TRPM3: variants seen among roughly 807,000 people sequenced by gnomAD.
The protein encoded by TRPM3 is transient receptor potential cation channel subfamily M member 3.
TRPM3 carries 77 observed loss-of-function variants against 181.2 expected under a neutral mutation model. That is an observed-to-expected ratio of 0.42 (90% CI 0.35 to 0.51). TRPM3 has a LOEUF of 0.51. Among genes scored for constraint, TRPM3 ranks in the 20% least tolerant of loss-of-function variants. The probability of loss-of-function intolerance (pLI) is 0.01; values close to 1 mark genes in which losing one functional copy is unlikely to be tolerated. For synonymous variants in TRPM3, 745 were observed against 796.4 expected (o/e 0.94, Z 1.09); for missense variants, 1,759 against 2,196.7 (o/e 0.80, Z 3.98).
intron 1 of TRPM3, among the ~76,000 whole-genome samples, chr9:71,395,054 C>T (rs2093157831): frequency 6.6e-6 from 1 of 152,168 alleles, no homozygotes; most frequent in Non-Finnish European, 1.5e-5. Flanking sequence ...CTAAACATCC[C>T]ACAATGACCA....
intron 1 of TRPM3, among the ~76,000 whole-genome samples, chr9:71,274,970 G>A (rs1488502389): frequency 6.6e-6 from 1 of 152,112 alleles, no homozygotes; most frequent in African/African-American, 2.4e-5. Flanking sequence ...AGTCTGAGAA[G>A]AAGGTTTTGA....
intron 3 of TRPM3, among the ~76,000 whole-genome samples, chr9:70,857,063 A>G (rs1044336879): frequency 4.6e-5 from 7 of 152,160 alleles, no homozygotes; most frequent in Non-Finnish European, 1.0e-4. Flanking sequence ...AGGGTCCTAG[A>G]AAGTTACCTG....
chr9:71,280,963 T>C (rs1054438197), intron 1 of TRPM3, among the ~76,000 whole-genome samples: 2 of 152,220 alleles, frequency 1.3e-5, no homozygotes, highest in Non-Finnish European at 2.9e-5. Context: ...TGTTCAGATG[T>C]TTTTTGTTGT....
At chr9:70,794,695 G>A (rs946458661) in intron 6 of TRPM3, among the ~76,000 whole-genome samples, 3 of 152,088 alleles carry the variant, frequency 2.0e-5, no homozygotes, top group Non-Finnish European at 2.9e-5. Context: ...GCTGGCTCCC[G>A]TCGACTCCCA....
intron 1 of TRPM3, among the ~76,000 whole-genome samples, chr9:71,217,291 A>C (rs1277955287): frequency 4.6e-5 from 7 of 152,136 alleles, no homozygotes; most frequent in Non-Finnish European, 1.0e-4. Flanking sequence ...TATAAACTCT[A>C]GACAGTGTAA....
chr9:71,074,181 CTTAT>C (rs1028110920), intron 1 of TRPM3, among the ~76,000 whole-genome samples: 13 of 152,118 alleles, frequency 8.5e-5, no homozygotes, highest in African/African-American at 2.4e-4. Flanking sequence ...ATGGTTATCT[CTTAT>C]TTAAATTATT....
At chr9:71,079,261 T>C (rs1378644364) in intron 1 of TRPM3, among the ~76,000 whole-genome samples, 1 of 152,218 alleles carries the variant, frequency 6.6e-6, no homozygotes, top group African/African-American at 2.4e-5. Context: ...GTGCTCTCTA[T>C]GGGAACAAAG....
intron 1 of TRPM3, among the ~76,000 whole-genome samples, chr9:71,212,900 T>C (rs375298089): frequency 6.6e-6 from 1 of 152,100 alleles, no homozygotes; most frequent in Non-Finnish European, 1.5e-5. Flanking sequence ...GAAAGACTGA[T>C]GACACAAAGT....
At chr9:71,218,255 A>G (rs536283799) in intron 1 of TRPM3, among the ~76,000 whole-genome samples, 2 of 152,332 alleles carry the variant, frequency 1.3e-5, no homozygotes, top group Admixed American at 1.3e-4. Flanking sequence ...TATCTCAGAT[A>G]TACAGACTCA....
At chr9:71,385,380 A>G (rs748525668) in intron 1 of TRPM3, among the ~76,000 whole-genome samples, 1 of 152,248 alleles carries the variant, frequency 6.6e-6, no homozygotes, top group Non-Finnish European at 1.5e-5. Context: ...AGCAACTCAC[A>G]AGGTAAATTT....
intron 22 of TRPM3, among the ~76,000 whole-genome samples, chr9:70,558,922 AT>A (rs1156848330): frequency 1.3e-5 from 2 of 152,240 alleles, no homozygotes; most frequent in Admixed American, 1.3e-4. Context: ...TTAACTATGC[AT>A]TAATAAGTAG....
intron 1 of TRPM3, among the ~76,000 whole-genome samples, chr9:70,880,524 G>T (rs1371230267): frequency 1.3e-5 from 2 of 151,964 alleles, no homozygotes; most frequent in Non-Finnish European, 2.9e-5. Flanking sequence ...AAATAAAATT[G>T]TGCCCACAGG....
intron 7 of TRPM3, among the ~76,000 whole-genome samples, chr9:70,765,132 GATT>G (rs1056757070): frequency 6.6e-6 from 1 of 152,158 alleles, no homozygotes; most frequent in Non-Finnish European, 1.5e-5. Context: ...CATACTGCTT[GATT>G]ACCTCACTGT....
At chr9:71,286,157 T>A (rs1234939333) in intron 1 of TRPM3, among the ~76,000 whole-genome samples, 1 of 152,236 alleles carries the variant, frequency 6.6e-6, no homozygotes, top group Non-Finnish European at 1.5e-5. Context: ...TAGCGAGGTA[T>A]GGGAATCACC....
chr9:71,338,674 G>T (rs762786262), intron 1 of TRPM3, among the ~76,000 whole-genome samples: 2 of 151,480 alleles, frequency 1.3e-5, no homozygotes, highest in Non-Finnish European at 2.9e-5. Context: ...GTAACTAGCT[G>T]CAAAAAAAAG....
At chr9:71,265,004 G>T (rs1390122064) in intron 1 of TRPM3, among the ~76,000 whole-genome samples, 1 of 152,134 alleles carries the variant, frequency 6.6e-6, no homozygotes, top group African/African-American at 2.4e-5. Context: ...ACAAAGAAAT[G>T]TATTTAATTT....
intron 1 of TRPM3, among the ~76,000 whole-genome samples, chr9:71,257,816 C>T (rs952258119): frequency 6.6e-6 from 1 of 152,100 alleles, no homozygotes; most frequent in African/African-American, 2.4e-5. Flanking sequence ...CAGTTAATAT[C>T]CCTCCATTAT....
chr9:71,258,427 G>A (rs143715203), intron 1 of TRPM3, among the ~76,000 whole-genome samples: 212 of 152,242 alleles, frequency 1.4e-3, no homozygotes, highest in African/African-American at 4.9e-3. Flanking sequence ...ATTTATTACA[G>A]GGAGTACAAC....
At position 71,408,334 on chromosome 9, in the gene TRPM3, G is replaced by T. The variant is rs559457026; in HGVS notation, c.183+38319C>A. Among the ~76,000 whole-genome samples, 3 of 152,194 alleles carry T rather than the reference G, an allele frequency of 2.0e-5. No homozygotes were observed. The South Asian group carries it at 6.2e-4, about 32-fold the overall frequency. On this transcript the variant is annotated intron_variant, in intron 1 of 24. Coordinates refer to the TRPM3 transcript ENST00000357533. ...CTAAGGGAGGATGTTTGAACCCATC[G>T]CAAGAAAGCTAAAAACCTTGAAAAA...
Sources: allele counts gnomAD v4.1 joint callset (sites outside exome capture counted in the v4.1 genomes callset), GRCh38; gene constraint gnomAD v4.1.1; transcripts MANE v1.5; gene names NCBI Gene and HGNC (gene_info 2026-07-23, HGNC 2026-07-21).